The following KHDRBS3 variants were observed in gnomAD, a reference collection of about 807,000 sequenced individuals.
KHDRBS3 encodes the protein KH RNA binding domain containing, signal transduction associated 3.
Under a neutral mutation model 45.6 loss-of-function variants are expected in KHDRBS3, and 23 were observed. That is an observed-to-expected ratio of 0.50 (90% CI 0.36 to 0.72). The LOEUF (loss-of-function observed/expected upper bound fraction) is 0.72, where lower values mean the gene tolerates loss of function less well. Among genes scored for constraint, KHDRBS3 ranks in the 30% least tolerant of loss-of-function variants. KHDRBS3 has a pLI of 0.00. For synonymous variants in KHDRBS3, 162 were observed against 156.5 expected (o/e 1.04, Z -0.26); for missense variants, 352 against 424.8 (o/e 0.83, Z 1.51).
chr8:135,556,177 ATAGTGCTGCAG>A (rs1826877092), intron 4 of KHDRBS3, among the ~76,000 whole-genome samples: 1 of 152,142 alleles, frequency 6.6e-6, no homozygotes, highest in Admixed American at 6.5e-5. Flanking sequence ...GCTGTTGTGA[ATAGTGCTGCAG>A]TAAACATACA....
intron 1 of KHDRBS3, among the ~76,000 whole-genome samples, chr8:135,482,877 G>A (rs1222453768): frequency 6.6e-6 from 1 of 152,162 alleles, no homozygotes; most frequent in Non-Finnish European, 1.5e-5. Flanking sequence ...TATTTGTGAA[G>A]CACCTTATTA....
chr8:135,616,375 A>G (rs1332147506), intron 7 of KHDRBS3, among the ~76,000 whole-genome samples: 1 of 152,190 alleles, frequency 6.6e-6, no homozygotes, highest in African/African-American at 2.4e-5. Context: ...ACCACATGGG[A>G]TCTTCATGCA....
intron 6 of KHDRBS3, among the ~76,000 whole-genome samples, chr8:135,591,939 AATTT>A (rs1254490704): frequency 6.6e-6 from 1 of 152,214 alleles, no homozygotes; most frequent in Non-Finnish European, 1.5e-5. Flanking sequence ...CATAGTGAGA[AATTT>A]AATTAAAACA....
intron 2 of KHDRBS3, among the ~76,000 whole-genome samples, chr8:135,524,133 A>G (rs189158500): frequency 1.6e-3 from 239 of 152,096 alleles, no homozygotes; most frequent in Non-Finnish European, 2.4e-3. Flanking sequence ...CTCATGCCCC[A>G]GTCTCCCGAG....
intron 7 of KHDRBS3, among the ~76,000 whole-genome samples, chr8:135,609,796 T>C (rs1291452199): frequency 6.6e-6 from 1 of 151,836 alleles, no homozygotes; most frequent in African/African-American, 2.4e-5. Flanking sequence ...TGTTGGACTT[T>C]CAAATGCAAG....
At chr8:135,505,740 T>G (rs934724346) in intron 1 of KHDRBS3, among the ~76,000 whole-genome samples, 1 of 151,918 alleles carries the variant, frequency 6.6e-6, no homozygotes, top group African/African-American at 2.4e-5. Flanking sequence ...CCTCAGGAGC[T>G]TGAAGAGGGT....
At chr8:135,621,765 G>A (rs1052744765) in intron 7 of KHDRBS3, among the ~76,000 whole-genome samples, 1 of 151,836 alleles carries the variant, frequency 6.6e-6, no homozygotes, top group African/African-American at 2.4e-5. Flanking sequence ...CATTGGTAGT[G>A]ACCAGTTTTT....
chr8:135,473,582 C>T (rs1400127015), intron 1 of KHDRBS3, among the ~76,000 whole-genome samples: 2 of 152,082 alleles, frequency 1.3e-5, no homozygotes, highest in Non-Finnish European at 1.5e-5. Flanking sequence ...TATAAATTGC[C>T]GGATTTCCCC....
intron 7 of KHDRBS3, among the ~76,000 whole-genome samples, chr8:135,631,087 A>G (rs1284473280): frequency 6.6e-6 from 1 of 152,002 alleles, no homozygotes; most frequent in Non-Finnish European, 1.5e-5. Flanking sequence ...CATCTCTACT[A>G]AAAATACAAA....
At chr8:135,532,817 C>T (rs919604987) in intron 2 of KHDRBS3, among the ~76,000 whole-genome samples, 6 of 152,062 alleles carry the variant, frequency 3.9e-5, no homozygotes, top group African/African-American at 1.4e-4. Context: ...GTACAGTACC[C>T]TTACATGATT....
At chr8:135,561,103 T>C (rs939089254) in intron 5 of KHDRBS3, among the ~76,000 whole-genome samples, 34 of 152,202 alleles carry the variant, frequency 2.2e-4, no homozygotes, top group Non-Finnish European at 4.7e-4. Flanking sequence ...TATTTTGCCA[T>C]ATTTCCTGTG....
At chr8:135,631,848 A>C (rs191731424) in intron 7 of KHDRBS3, among the ~76,000 whole-genome samples, 1 of 152,342 alleles carries the variant, frequency 6.6e-6, no homozygotes, top group East Asian at 1.9e-4. Flanking sequence ...GATGTACCGT[A>C]CATAATTGTA....
intron 2 of KHDRBS3, among the ~76,000 whole-genome samples, chr8:135,531,188 CATATT>C (rs1554623488): frequency 6.6e-6 from 1 of 151,918 alleles, no homozygotes; most frequent in Non-Finnish European, 1.5e-5. Context: ...TTTTTTTGCT[CATATT>C]ATATTCTGGA....
At chr8:135,525,742 T>A (rs1001851936) in intron 2 of KHDRBS3, among the ~76,000 whole-genome samples, 21 of 152,190 alleles carry the variant, frequency 1.4e-4, no homozygotes, top group African/African-American at 4.6e-4. Flanking sequence ...TATTGATTCT[T>A]TGTGCTCAAT....
intron 3 of KHDRBS3, among the ~76,000 whole-genome samples, chr8:135,546,129 T>C (rs1330791016): frequency 6.6e-6 from 1 of 151,618 alleles, no homozygotes; most frequent in African/African-American, 2.4e-5. Flanking sequence ...AGAGCAAGAC[T>C]CTGTCTCCCA....
At chr8:135,508,356 G>GA (rs1824112601) in intron 1 of KHDRBS3, among the ~76,000 whole-genome samples, 3 of 152,164 alleles carry the variant, frequency 2.0e-5, no homozygotes, top group African/African-American at 7.2e-5. Flanking sequence ...GGATAAATGA[G>GA]AAAGACATTG....
chr8:135,646,767 G>GT (rs2131208126), intron 8 of KHDRBS3, among the ~76,000 whole-genome samples: 1 of 152,296 alleles, frequency 6.6e-6, no homozygotes, highest in South Asian at 2.1e-4. Context: ...TACAAGAACC[G>GT]TTTATCTTCC....
intron 1 of KHDRBS3, among the ~76,000 whole-genome samples, chr8:135,470,501 A>G (rs897557324): frequency 6.6e-5 from 10 of 151,926 alleles, no homozygotes; most frequent in Non-Finnish European, 1.5e-4. Context: ...AAGCCATGCC[A>G]TTAACAGTCG....
intron 4 of KHDRBS3, among the ~76,000 whole-genome samples, chr8:135,653,036 A>C (rs1044349148): frequency 6.6e-6 from 1 of 152,140 alleles, no homozygotes; most frequent in South Asian, 2.1e-4. Flanking sequence ...CTGTGTGTTT[A>C]TCTCATTTGA....
Sources: gnomAD v4.1 joint callset for allele counts (sites outside exome capture counted in the v4.1 genomes callset) on GRCh38, gnomAD v4.1.1 for gene constraint, MANE v1.5 for transcripts, NCBI Gene and HGNC (gene_info 2026-07-23, HGNC 2026-07-21) for gene names.